Variants in KIFAP3 observed in about 807,000 individuals in gnomAD.
KIFAP3 encodes kinesin-associated protein 3.
In KIFAP3, 68 loss-of-function variants were observed where a neutral mutation model predicts 106.5. The observed-to-expected ratio is 0.64, with a 90% CI of 0.53 to 0.78. The LOEUF (loss-of-function observed/expected upper bound fraction) is 0.78. KIFAP3 is among the 30% of genes least tolerant of loss of function. The pLI is 0.00. For missense variants in KIFAP3, 780 were observed against 941.8 expected, an observed-to-expected ratio of 0.83 and a Z score of 2.25; for synonymous variants, 320 against 311.5, an observed-to-expected ratio of 1.03 and a Z score of -0.29.
At chr1:170,041,840 T>A (rs1319304187) in intron 3 of KIFAP3, 3 of 1,438,464 alleles carry the variant, frequency 2.1e-6, no homozygotes, top group Non-Finnish European at 2.8e-6. Context: ...CCCTTCCCAA[T>A]CTGTAAAAAG....
chr1:170,034,035 A>G (rs1669553336), intron 7 of KIFAP3, among the ~76,000 whole-genome samples: 2 of 151,868 alleles, frequency 1.3e-5, no homozygotes, highest in African/African-American at 2.4e-5. Flanking sequence ...TATAAGCAGC[A>G]GTGGTGGGCC....
At chr1:169,936,203 G>A (rs1663788412) in intron 19 of KIFAP3, among the ~76,000 whole-genome samples, 1 of 78 alleles carries the variant, frequency 0.013, no homozygotes, top group Admixed American at 0.1. Flanking sequence ...TTTGTCTCTT[G>A]TTCCCTTGGA....
intron 1 of KIFAP3, among the ~76,000 whole-genome samples, chr1:170,069,188 C>T (rs913876944): frequency 1.3e-5 from 2 of 152,036 alleles, no homozygotes; most frequent in African/African-American, 2.4e-5. Flanking sequence ...AAAATCTGAA[C>T]AGAATTAGAA....
upstream of KIFAP3, among the ~76,000 whole-genome samples, chr1:170,076,510 AG>A (rs1383905233): frequency 9.9e-5 from 15 of 152,216 alleles, no homozygotes; most frequent in African/African-American, 3.1e-4. Context: ...AATAAAAAAA[AG>A]AAATCCATAA....
intron 1 of KIFAP3, among the ~76,000 whole-genome samples, chr1:170,062,642 T>C (rs1238166868): frequency 1.3e-5 from 2 of 152,206 alleles, no homozygotes; most frequent in South Asian, 2.1e-4. Context: ...CTTTTTTCCA[T>C]AGAAACAACC....
intron 3 of KIFAP3, 79 bp downstream of exon 3, chr1:170,046,632 CT>C (rs1050943187): frequency 5.9e-5 from 70 of 1,185,076 alleles, no homozygotes; most frequent in South Asian, 1.5e-4. Flanking sequence ...GTTTGATAAA[CT>C]TTTTTTTATA....
intron 19 of KIFAP3, among the ~76,000 whole-genome samples, chr1:169,941,402 C>A (rs995616474): frequency 2.6e-5 from 4 of 152,128 alleles, no homozygotes; most frequent in African/African-American, 9.7e-5. Flanking sequence ...AATTCAGAAA[C>A]AGTCTTCTGA....
At chr1:170,025,405 T>C (rs1213285927) in intron 8 of KIFAP3, among the ~76,000 whole-genome samples, 1 of 152,148 alleles carries the variant, frequency 6.6e-6, no homozygotes. Context: ...TGTGGCCTCA[T>C]TGTTTTAGTA....
chr1:170,035,439 A>T lies in KIFAP3; in HGVS notation c.617+15T>A. On this transcript the variant is annotated intron_variant, in intron 6 of 19. Coordinates refer to ENST00000361580, the MANE Select transcript of KIFAP3 (RefSeq NM_014970.4). The stretch of plus-strand genomic sequence containing the variant: ...AGATACAGTAGCCTTTTTATTTAAT[A>T]ATTTTTATACTTACCTGGAGAAACA... 6.6e-7 allele frequency: 1 copy of T among 1,520,576 alleles called. No individual in the cohort carries two copies. Among genetic ancestry groups the T allele is most frequent in the Admixed American group, 1.9e-5 (1 of 52,664 alleles). The allele number at this position is 1,520,576 out of a possible 1,614,324, so 94.2% of individuals were successfully genotyped here. A position where few individuals can be genotyped will look rare whatever the true frequency, so the allele number is the denominator to read the frequency against.
chr1:169,944,845 T>C (rs1664344202), intron 19 of KIFAP3, among the ~76,000 whole-genome samples: 1 of 151,992 alleles, frequency 6.6e-6, no homozygotes, highest in South Asian at 2.1e-4. Context: ...AGGGAGGAAG[T>C]GCATGCTGAT....
rs201452037 is a variant in KIFAP3 at position 170,013,472 on chromosome 1, G to GACAT, written c.1183+2986_1183+2989dup. ...TCTACATACTGAAGATGAGAAAACT[G>GACAT]ACATACATATATATATATATATATA... On this transcript the variant is annotated intron_variant, in intron 10 of 19. Coordinates refer to ENST00000361580, the MANE Select transcript of KIFAP3 (RefSeq NM_014970.4). Among the ~76,000 whole-genome samples the GACAT allele has an allele frequency of 1.5e-4, 20 of 137,900 alleles. No individual in the cohort carries two copies. In the East Asian group the frequency reaches 1.8e-3, roughly 13 times the overall value. The allele number at this position is 137,900 out of a possible 152,430, so 90.5% of individuals were successfully genotyped here.
At chr1:169,928,729 T>TAAAAAAAAAAAAAA (rs1663294333) in intron 19 of KIFAP3, among the ~76,000 whole-genome samples, 1 of 101,472 alleles carries the variant, frequency 9.9e-6, no homozygotes, top group African/African-American at 4.4e-5. Context: ...AAATTAAAGT[T>TAAAAAAAAAAAAAA]ATACCTTTAC....
chr1:169,933,420 T>C (rs910639568), intron 19 of KIFAP3, among the ~76,000 whole-genome samples: 3 of 152,036 alleles, frequency 2.0e-5, no homozygotes, highest in African/African-American at 7.2e-5. Context: ...TATATTTAAC[T>C]GTTACATTAT....
At chr1:170,055,184 A>T (rs1489456973) in intron 2 of KIFAP3, 121 bp downstream of exon 2, 1 of 817,202 alleles carries the variant, frequency 1.2e-6, no homozygotes, top group Admixed American at 3.4e-5. Context: ...CTTCACTAAG[A>T]TGAAGTATGC....
At position 170,074,586 on chromosome 1, in the gene KIFAP3, C is replaced by A; in HGVS notation, c.-119G>T. 1 of 1,557,566 alleles carries A rather than the reference C, an allele frequency of 6.4e-7. No homozygotes were observed. Among genetic ancestry groups the A allele is most frequent in the South Asian group, 1.2e-5 (1 of 84,458 alleles). On this transcript the variant is annotated 5_prime_UTR_variant, in exon 1 of 20. Transcript: ENST00000361580. The stretch of plus-strand genomic sequence containing the variant: ...GAGGCGATGACAGTCCTGAGGCCTG[C>A]AAGGCGGGGCAGCAGCGGCGCTGTG...
At chr1:169,940,910 TATGTGTGTG>T (rs1017678348) in intron 19 of KIFAP3, among the ~76,000 whole-genome samples, 5 of 99,376 alleles carry the variant, frequency 5.0e-5, no homozygotes, top group South Asian at 8.8e-4. Flanking sequence ...GTTTAAGAAT[TATGTGTGTG>T]TGTGTGTGTG....
intron 2 of KIFAP3, 40 bp downstream of exon 2, chr1:170,055,265 T>C (rs2102121549): frequency 1.9e-6 from 3 of 1,550,654 alleles, no homozygotes; most frequent in East Asian, 2.3e-5. Flanking sequence ...GTTTATATAA[T>C]GTTCACTACT....
Position 169,998,399 on chromosome 1 carries a change from T to TACAC in KIFAP3, c.1184-6148_1184-6145dup, listed in dbSNP as rs1205858764. 9.0e-3 allele frequency among the ~76,000 whole-genome samples: 882 copies of TACAC among 97,758 alleles called. 3 individuals are homozygous for TACAC. Among genetic ancestry groups the TACAC allele is most frequent in the Non-Finnish European group, 0.012 (626 of 51,598 alleles). The allele number at this position is 97,758 out of a possible 152,430, so 64.1% of individuals were successfully genotyped here. On this transcript the variant is annotated intron_variant, in intron 10 of 19. Transcript: ENST00000361580. ...TTCACCAGATATATATATATATATA[T>TACAC]ACACACACACACACACACACACACA...
chr1:170,007,412 C>A (rs1177272556), intron 10 of KIFAP3, among the ~76,000 whole-genome samples: 5 of 151,514 alleles, frequency 3.3e-5, no homozygotes, highest in African/African-American at 4.9e-5. Flanking sequence ...AAAATGAAGA[C>A]AGGAAATGAA....
Sources: gnomAD v4.1 joint callset for allele counts (sites outside exome capture counted in the v4.1 genomes callset) on GRCh38, gnomAD v4.1.1 for gene constraint, MANE v1.5 for transcripts, NCBI Gene and HGNC (gene_info 2026-07-23, HGNC 2026-07-21) for gene names.